Variants in ABCA12 observed in about 807,000 individuals in gnomAD.
ABCA12 encodes ATP binding cassette subfamily A member 12.
ABCA12 carries 156 observed loss-of-function variants against 293.5 expected under a neutral mutation model. The observed-to-expected ratio is 0.53, with a 90% CI of 0.47 to 0.61. The LOEUF is 0.61. Ranked by LOEUF, ABCA12 falls within the 20% of genes least tolerant of loss-of-function variation. ABCA12 has a pLI of 0.00. For missense variants in ABCA12, 2,797 were observed against 3,090.2 expected (o/e 0.91, Z 2.25); for synonymous variants, 1,063 against 1,108.0 (o/e 0.96, Z 0.81).
At chr2:214,946,780 A>G (rs1698596105) in intron 48 of ABCA12, among the ~76,000 whole-genome samples, 1 of 152,170 alleles carries the variant, frequency 6.6e-6, no homozygotes, top group African/African-American at 2.4e-5. Flanking sequence ...CTTGGGGTGC[A>G]GAATATTAAC....
At chr2:214,988,921 G>A (rs562192615) in intron 26 of ABCA12, among the ~76,000 whole-genome samples, 38 of 151,042 alleles carry the variant, frequency 2.5e-4, no homozygotes, top group African/African-American at 8.5e-4. Flanking sequence ...GCTCTTGCCC[G>A]TAATCCCAGC....
chr2:214,995,438 T>C (rs1245374077), intron 23 of ABCA12, among the ~76,000 whole-genome samples: 1 of 152,204 alleles, frequency 6.6e-6, no homozygotes, highest in East Asian at 1.9e-4. Context: ...GAAGTCTGTG[T>C]TACTAAAGTA....
intron 39 of ABCA12, 76 bp downstream of exon 39, chr2:214,966,772 C>T: frequency 2.2e-6 from 3 of 1,358,826 alleles, no homozygotes; most frequent in Non-Finnish European, 3.2e-6. Flanking sequence ...TGTGAAGAAA[C>T]AGGATATAAA....
intron 23 of ABCA12, among the ~76,000 whole-genome samples, chr2:214,991,881 C>T (rs1191312654): frequency 2.0e-5 from 3 of 151,994 alleles, no homozygotes; most frequent in Non-Finnish European, 4.4e-5. Flanking sequence ...CAGGGCCTGT[C>T]GGGGGATGGA....
intron 30 of ABCA12, 70 bp from the exon 31 acceptor site, chr2:214,980,713 G>A: frequency 6.3e-7 from 1 of 1,589,100 alleles, no homozygotes. Context: ...CACAGAGTTG[G>A]CCAGAGTAAA....
rs1187348996 is a variant in ABCA12, at chr2:214,945,113, A to T, written c.7240-9T>A. ...CCAGAGCTCGGCTCATCCTTAATAG[A>T]AAGTTACAACAAAAATTTATCAAAT... On this transcript the variant is annotated splice_polypyrimidine_tract_variant and intron_variant, in intron 48 of 52. Transcript: ENST00000272895. The T allele has an allele frequency of 1.9e-6, 3 of 1,608,804 alleles. No individual in the cohort carries two copies. The African/African-American group carries it at 4.0e-5, about 21-fold the overall frequency.
At chr2:214,992,462 GA>G (rs35911401) in intron 23 of ABCA12, among the ~76,000 whole-genome samples, 5 of 77,374 alleles carry the variant, frequency 6.5e-5, no homozygotes, top group African/African-American at 2.7e-4. Flanking sequence ...AAAAAAAAAT[GA>G]AAAAAAAAAA....
intron 2 of ABCA12, among the ~76,000 whole-genome samples, chr2:215,090,935 C>G (rs1194842074): frequency 1.3e-5 from 2 of 152,112 alleles, no homozygotes; most frequent in African/African-American, 4.8e-5. Context: ...TCTGCAACAC[C>G]ACTTGGCCCC....
chr2:215,088,744 G>A (rs1317832014), intron 2 of ABCA12, among the ~76,000 whole-genome samples: 1 of 152,180 alleles, frequency 6.6e-6, no homozygotes, highest in East Asian at 1.9e-4. Flanking sequence ...AAGAGGAAAT[G>A]AGAACGGAGA....
chr2:215,118,578 G>T (rs570036839), intron 1 of ABCA12, among the ~76,000 whole-genome samples: 1 of 151,768 alleles, frequency 6.6e-6, no homozygotes, highest in African/African-American at 2.4e-5. Context: ...GAAATTTAGA[G>T]TATAAATATA....
Position 214,978,832 on chromosome 2 carries a change from T to C in ABCA12, c.4949A>G (p.Tyr1650Cys), listed in dbSNP as rs199856299. The C allele has an allele frequency of 3.7e-6, 6 of 1,614,052 alleles. No homozygotes were observed. In the East Asian group the frequency reaches 1.1e-4, roughly 30 times the overall value. Residue 1650 changes from tyrosine (Y) to cysteine (C), a missense_variant, in exon 32 of 53, where the codon TAC becomes TGC. Physicochemically the swap from Tyr to Cys is radical, Grantham distance 194 (BLOSUM62 -2). Transcript: ENST00000272895. ...NGMGDLNIGC[Y>C]GISDTTVEEV... is the part of the protein sequence containing the mutation. ...CTCCACGGTGGTATCTGAAATGCCGTAGCACCCGATGTTGAGGTCACCCAT... is the reference window on the plus strand; with the variant it reads ...CTCCACGGTGGTATCTGAAATGCCGCAGCACCCGATGTTGAGGTCACCCAT...
intron 5 of ABCA12, chr2:215,050,743 C>T: frequency 2.1e-6 from 2 of 942,028 alleles, no homozygotes; most frequent in Non-Finnish European, 2.5e-6. Flanking sequence ...AAGTGTTAGG[C>T]CTTCTAGTCA....
chr2:215,124,089 T>G (rs1702868670), intron 1 of ABCA12, among the ~76,000 whole-genome samples: 1 of 152,214 alleles, frequency 6.6e-6, no homozygotes, highest in South Asian at 2.1e-4. Context: ...TCACTGCAAA[T>G]GCTGTTAATT....
At chr2:214,935,783 C>T (rs888438366) in intron 51 of ABCA12, among the ~76,000 whole-genome samples, 16 of 151,974 alleles carry the variant, frequency 1.1e-4, no homozygotes, top group East Asian at 3.9e-4. Flanking sequence ...GGCAACATAG[C>T]GAGACTCTGT....
chr2:214,971,212 C>A (rs7561787), intron 36 of ABCA12, among the ~76,000 whole-genome samples: 79 of 152,234 alleles, frequency 5.2e-4, no homozygotes, highest in African/African-American at 1.9e-3. Context: ...ATCTCAAGAA[C>A]ATAAAGTTCC....
chr2:215,007,959 G>C (rs1235697460), intron 18 of ABCA12, 113 bp from the exon 19 acceptor site: 15 of 1,363,292 alleles, frequency 1.1e-5, no homozygotes, highest in Non-Finnish European at 1.4e-5. Context: ...TCTAAAACAT[G>C]AAGTTAGTAC....
chr2:214,997,737 A>G lies in ABCA12; in HGVS notation c.3252T>C (p.Phe1084=). 1 of 1,613,564 alleles carries G rather than the reference A, an allele frequency of 6.2e-7. No homozygotes were observed. The highest frequency in any genetic ancestry group is 8.5e-7 in the Non-Finnish European group (1 of 1,179,658). The change falls in exon 23 of 53, where the codon TTT becomes TTC. Residue 1084 remains phenylalanine (F), a synonymous_variant. Coordinates refer to ENST00000272895, the MANE Select transcript of ABCA12 (RefSeq NM_173076.3). ...MVAWVVFIAA[F]VKKLVYEKDL... is the part of the protein sequence containing the mutation. ...CTTTCTCATAGACAAGCTTTTTTAC[A>G]AAGGCAGCTATAAATACAACCCAGG... is the stretch of plus-strand genomic sequence containing the variant.
At position 214,959,087 on chromosome 2, in the gene ABCA12, C is replaced by T. The variant is rs574892120; in HGVS notation, c.5885-9G>A. On this transcript the variant is annotated splice_polypyrimidine_tract_variant and intron_variant, in intron 39 of 52. Transcript: ENST00000272895. ...GCTATACATGATGATGCCTTAAAGA[C>T]GAAACAGTTCTTCTATTAGTAGGTA... The T allele has an allele frequency of 5.0e-5, 81 of 1,612,754 alleles. No individual in the cohort carries two copies. The South Asian group carries it at 7.2e-4, about 14-fold the overall frequency.
chr2:214,943,358 C>T (rs547805334), intron 49 of ABCA12, among the ~76,000 whole-genome samples: 2 of 151,814 alleles, frequency 1.3e-5, no homozygotes, highest in Non-Finnish European at 1.5e-5. Flanking sequence ...TTGCCCAGAC[C>T]GTTCTTGAAC....
Sources: allele counts gnomAD v4.1 joint callset (sites outside exome capture counted in the v4.1 genomes callset), GRCh38; gene constraint gnomAD v4.1.1; transcripts MANE v1.5; gene names NCBI Gene and HGNC (gene_info 2026-07-23, HGNC 2026-07-21).